The following SOX5 variants were observed in gnomAD, a reference collection of about 807,000 sequenced individuals.
SOX5 encodes transcription factor SOX-5.
SOX5 carries 9 observed loss-of-function variants against 92.0 expected under a neutral mutation model. That is an observed-to-expected ratio of 0.10 (90% confidence interval 0.06 to 0.17). SOX5 has a LOEUF of 0.17. Among genes scored for constraint, SOX5 ranks in the 10% least tolerant of loss-of-function variants. SOX5 has a pLI of 1.00. For missense variants in SOX5, 642 were observed against 944.5 expected (o/e 0.68, Z 4.20); for synonymous variants, 344 against 336.3 (o/e 1.02, Z -0.25).
At chr12:23,615,949 A>G (rs10771008) in intron 8 of SOX5, among the ~76,000 whole-genome samples, 102,772 of 152,106 alleles carry the variant, frequency 0.68, 35,381 homozygotes, top group African/African-American at 0.81. Context: ...AATAATAAAC[A>G]CCATAATGGT....
rs548320508 is a variant in SOX5, at chr12:24,126,695, T to C, written c.-2+86648A>G. On this transcript the variant is annotated intron_variant, in intron 4 of 4. Coordinates refer to the SOX5 transcript ENST00000446891. The stretch of plus-strand genomic sequence containing the variant: ...TAAAATAACTACTTTGGGTTCTTTC[T>C]GCCCAAATCCTGCAAATGTTTACGG... Among the ~76,000 whole-genome samples, 366 of 152,328 alleles carry C rather than the reference T, an allele frequency of 2.4e-3. 2 individuals carry two copies. The highest frequency in any genetic ancestry group is 3.1e-3 in the Non-Finnish European group (213 of 68,028).
intron 3 of SOX5, among the ~76,000 whole-genome samples, chr12:23,844,062 T>C (rs1480602049): frequency 6.6e-6 from 1 of 152,204 alleles, no homozygotes; most frequent in African/African-American, 2.4e-5. Flanking sequence ...CTACTGAACA[T>C]CATAACTTAG....
chr12:24,049,480 T>A lies in SOX5; in HGVS notation c.-1-153456A>T, dbSNP rs558579595. ...ACAATTAAGAGAATTCCCTGCACAT[T>A]CAGTTCTTCAATATTCCAATGAACA... On this transcript the variant is annotated intron_variant, in intron 4 of 4. Coordinates refer to the SOX5 transcript ENST00000446891. 1.1e-4 allele frequency among the ~76,000 whole-genome samples: 17 copies of A among 152,276 alleles called. No individual in the cohort carries two copies. The South Asian group carries it at 3.5e-3, about 32-fold the overall frequency.
intron 4 of SOX5, among the ~76,000 whole-genome samples, chr12:24,137,491 G>A (rs1950209804): frequency 6.6e-6 from 1 of 152,072 alleles, no homozygotes; most frequent in South Asian, 2.1e-4. Context: ...AATTAGCCGG[G>A]CATGGTGGCG....
rs766635848 is a variant in SOX5, at chr12:23,996,197, G to A, written c.-1-100173C>T. ...CCAGAGACCTGAAATCTAATCCTTG[G>A]ATTGTTACATGATTCTAGCTTAAAA... is the stretch of plus-strand genomic sequence containing the variant. On this transcript the variant is annotated intron_variant, in intron 4 of 4. Transcript: ENST00000446891. 3.3e-5 allele frequency among the ~76,000 whole-genome samples: 5 copies of A among 152,116 alleles called. No homozygotes were observed. In the South Asian group the frequency reaches 1.0e-3, roughly 32 times the overall value.
chr12:23,893,980 G>A (rs1467257232), intron 2 of SOX5, among the ~76,000 whole-genome samples: 1 of 152,158 alleles, frequency 6.6e-6, no homozygotes, highest in Non-Finnish European at 1.5e-5. Flanking sequence ...GCAGCAGCAT[G>A]AATAATGTTT....
chr12:24,075,267 C>T (rs1342272910), intron 4 of SOX5, among the ~76,000 whole-genome samples: 2 of 99,234 alleles, frequency 2.0e-5, no homozygotes, highest in Non-Finnish European at 3.8e-5. Context: ...AAGACCCTGT[C>T]TCAAATTATT....
At chr12:24,114,839 G>T (rs1365449123) in intron 4 of SOX5, among the ~76,000 whole-genome samples, 1 of 151,932 alleles carries the variant, frequency 6.6e-6, no homozygotes, top group Non-Finnish European at 1.5e-5. Flanking sequence ...GGGAGGCTGG[G>T]GTGCGGGGAT....
chr12:24,085,895 AAC>A (rs1943930324), intron 4 of SOX5, among the ~76,000 whole-genome samples: 1 of 151,972 alleles, frequency 6.6e-6, no homozygotes, highest in Non-Finnish European at 1.5e-5. Flanking sequence ...AAATTGGTAA[AAC>A]AATCCCCACA....
chr12:24,111,453 T>C (rs953858701), intron 4 of SOX5, among the ~76,000 whole-genome samples: 12 of 152,216 alleles, frequency 7.9e-5, no homozygotes, highest in African/African-American at 2.9e-4. Context: ...CATTAAAAAC[T>C]GAAATGAAAG....
At chr12:24,329,152 A>G (rs748953342) in intron 2 of SOX5, among the ~76,000 whole-genome samples, 1 of 152,210 alleles carries the variant, frequency 6.6e-6, no homozygotes, top group Non-Finnish European at 1.5e-5. Context: ...ACAACAAAAG[A>G]GGTTTCCCAT....
At chr12:23,585,973 C>G (rs1056518587) in intron 9 of SOX5, among the ~76,000 whole-genome samples, 1 of 152,208 alleles carries the variant, frequency 6.6e-6, no homozygotes, top group South Asian at 2.1e-4. Context: ...CTCCTGGGCC[C>G]TATGTGAATC....
At chr12:23,797,992 C>CATG in intron 3 of SOX5, among the ~76,000 whole-genome samples, 1 of 152,050 alleles carries the variant, frequency 6.6e-6, no homozygotes, top group African/African-American at 2.4e-5. Flanking sequence ...CAAATATCTG[C>CATG]ATGATTCATT....
intron 1 of SOX5, among the ~76,000 whole-genome samples, chr12:23,902,553 A>G (rs905058818): frequency 2.0e-5 from 3 of 151,314 alleles, no homozygotes; most frequent in Admixed American, 6.6e-5. Flanking sequence ...TATATCATCA[A>G]CTTTTTCAGT....
chr12:24,162,330 T>C (rs190570414), intron 4 of SOX5, among the ~76,000 whole-genome samples: 68 of 152,258 alleles, frequency 4.5e-4, no homozygotes, highest in Middle Eastern at 3.4e-3. Context: ...ATTATTTAAG[T>C]ACACTTATCT....
Position 23,604,449 on chromosome 12 carries a change from C to A in SOX5, c.1102G>T (p.Ala368Ser), listed in dbSNP as rs1452258093. The A allele has an allele frequency of 6.2e-7, 1 of 1,613,832 alleles. No individual in the cohort carries two copies. Among genetic ancestry groups the A allele is most frequent in the South Asian group, 1.1e-5 (1 of 91,084 alleles). ...PGIPQGNLGA[A>S]VSPTSIHTDK... ...GTGTGAATGCTGGTAGGAGATACAG[C>A]AGCACCAAGGTTGCCTTGGGGTATG... The change falls in exon 9 of 15, where the codon GCT (alanine) becomes TCT (serine). Residue 368 changes from alanine (A) to serine (S), a missense_variant. Coordinates refer to ENST00000451604, the MANE Select transcript of SOX5 (RefSeq NM_006940.6).
intron 6 of SOX5, among the ~76,000 whole-genome samples, chr12:23,687,926 C>A (rs968571068): frequency 6.6e-6 from 1 of 151,490 alleles, no homozygotes. Flanking sequence ...TTTCAATCAG[C>A]CTGCCACTGA....
chr12:23,873,560 A>C (rs1396978367), intron 2 of SOX5, among the ~76,000 whole-genome samples: 1 of 152,236 alleles, frequency 6.6e-6, no homozygotes, highest in African/African-American at 2.4e-5. Context: ...TTTTATTATA[A>C]AATACCAGTT....
At chr12:23,545,402 T>G (rs1424633894) in intron 12 of SOX5, among the ~76,000 whole-genome samples, 2 of 152,164 alleles carry the variant, frequency 1.3e-5, no homozygotes, top group Non-Finnish European at 2.9e-5. Context: ...ACTTCCTTCT[T>G]TTTCCCTCTT....
Sources: gnomAD v4.1 joint callset for allele counts (sites outside exome capture counted in the v4.1 genomes callset) on GRCh38, gnomAD v4.1.1 for gene constraint, MANE v1.5 for transcripts, NCBI Gene and HGNC (gene_info 2026-07-23, HGNC 2026-07-21) for gene names.